The following EVL variants were observed in gnomAD, a reference collection of about 807,000 sequenced individuals.
EVL encodes the protein Enah/Vasp-like.
Under a neutral mutation model 59.6 loss-of-function variants are expected in EVL, and 21 were observed. The ratio of observed to expected loss-of-function variants is 0.35; its 90% confidence interval spans 0.25 to 0.51. The LOEUF (loss-of-function observed/expected upper bound fraction) is 0.51. Ranked by LOEUF, EVL falls within the 20% of genes least tolerant of loss-of-function variation. The probability of loss-of-function intolerance (pLI) is 0.97; values close to 1 mark genes in which losing one functional copy is unlikely to be tolerated. For missense variants in EVL, 462 were observed against 546.6 expected, an observed-to-expected ratio of 0.85 and a Z score of 1.54; for synonymous variants, 198 against 203.5, an observed-to-expected ratio of 0.97 and a Z score of 0.23.
At chr14:100,062,939 T>C (rs1187115364), upstream of EVL, among the ~76,000 whole-genome samples, 1 of 152,036 alleles carries the variant, frequency 6.6e-6, no homozygotes, top group African/African-American at 2.4e-5. Flanking sequence ...TTTAAAAAAC[T>C]GTTTTCAAAT....
At position 100,108,425 on chromosome 14, in the gene EVL, C is replaced by A. The variant is rs1304148355; in HGVS notation, c.358+10767C>A. ...CTTGTGCCACCTGAGAGAAAGCAGG[C>A]CCAGCATGGCCCTGCCTGAGGGGAA... is the stretch of plus-strand genomic sequence containing the variant. On this transcript the variant is annotated intron_variant, in intron 3 of 13. Transcript: ENST00000392920. This position sits in a 1 kb window ranked among gnomAD's most constrained non-coding sequence, Gnocchi z 4.1. Among the ~76,000 whole-genome samples, 2 of 152,194 alleles carry A rather than the reference C, an allele frequency of 1.3e-5. No individual in the cohort carries two copies. Among genetic ancestry groups the A allele is most frequent in the African/African-American group, 2.4e-5 (1 of 41,446 alleles).
In EVL at chr14:100,087,089, G is replaced by A. The variant is rs1022733521; in HGVS notation, c.180+2234G>A. Reference sequence around the variant, plus strand: ...AATAGGGATATCTTACATGTTTAATGCTCTTTATGGTTAATGGAGCACTTT... The same window carrying A: ...AATAGGGATATCTTACATGTTTAATACTCTTTATGGTTAATGGAGCACTTT... On this transcript the variant is annotated intron_variant, in intron 2 of 13. Coordinates refer to ENST00000392920, the MANE Select transcript of EVL (RefSeq NM_016337.3). Among the ~76,000 whole-genome samples, 5 of 152,144 alleles carry A rather than the reference G, an allele frequency of 3.3e-5. No individual in the cohort carries two copies. The East Asian group carries it at 7.7e-4, about 23-fold the overall frequency.
intron 1 of EVL, among the ~76,000 whole-genome samples, chr14:100,018,549 TCAGC>T (rs1241386395): frequency 6.6e-6 from 1 of 152,132 alleles, no homozygotes; most frequent in Non-Finnish European, 1.5e-5. Context: ...TCTCTAAAAC[TCAGC>T]CAGAGCAATT....
chr14:99,984,812 C>G (rs766172299), intron 1 of EVL, among the ~76,000 whole-genome samples: 2 of 152,076 alleles, frequency 1.3e-5, no homozygotes, highest in Non-Finnish European at 2.9e-5. Context: ...GACTGAGTTG[C>G]ACCATGTTGG....
chr14:100,135,924 C>T lies in EVL; in HGVS notation c.920C>T (p.Pro307Leu), dbSNP rs764448520. The T allele has an allele frequency of 9.9e-6, 16 of 1,613,986 alleles. No homozygotes were observed. Among genetic ancestry groups the T allele is most frequent in the South Asian group, 3.3e-5 (3 of 91,080 alleles). Reference protein sequence around the residue: ...ESQMEDPSTSPSPGTRAASQP... With the variant: ...ESQMEDPSTSLSPGTRAASQP... ...TTTTAGGAAGATCCTAGTACCTCCC[C>T]CTCTCCGGGGACCCGAGCAGCCAGC... Residue 307 changes from proline (P) to leucine (L), a missense_variant, in exon 9 of 14, where the codon CCC becomes CTC. Pro to Leu is a moderately conservative substitution (Grantham distance 98). Coordinates refer to ENST00000392920, the MANE Select transcript of EVL (RefSeq NM_016337.3).
In EVL at chr14:100,109,391, G is replaced by T. The variant is rs935790170; in HGVS notation, c.358+11733G>T. The T allele has an allele frequency of 2.8e-6, 1 of 360,446 alleles. No homozygotes were observed. Among genetic ancestry groups the T allele is most frequent in the Non-Finnish European group, 5.5e-6 (1 of 181,748 alleles). The allele number at this position is 360,446 out of a possible 1,614,324, so 22.3% of individuals were successfully genotyped here. On this transcript the variant is annotated intron_variant, in intron 3 of 13. Transcript: ENST00000392920. The surrounding 1 kb of genome is among the most constrained non-coding windows in gnomAD (Gnocchi z 4.3). ...CCTCAGGCACCCCTTCCCAGTCCTC[G>T]CACACTGTTGGTGTCCCATTTGTTT...
chr14:100,009,646 A>G (rs1220489191), intron 1 of EVL, among the ~76,000 whole-genome samples: 10 of 152,230 alleles, frequency 6.6e-5, no homozygotes, highest in African/African-American at 2.2e-4. Flanking sequence ...ATTGTTGTTG[A>G]TGAAGAGTCA....
At chr14:100,116,499 CT>C (rs1566709916) in intron 3 of EVL, among the ~76,000 whole-genome samples, 1 of 152,234 alleles carries the variant, frequency 6.6e-6, no homozygotes, top group Non-Finnish European at 1.5e-5. Flanking sequence ...GGGGGCTGGT[CT>C]CCCAGAGCCT....
At chr14:99,983,998 C>G (rs1443614585) in intron 1 of EVL, among the ~76,000 whole-genome samples, 2 of 152,160 alleles carry the variant, frequency 1.3e-5, no homozygotes, top group African/African-American at 4.8e-5. Context: ...CCCAGAACCC[C>G]AAGCACTGGT....
At chr14:100,043,829 G>C (rs1407119559) in intron 1 of EVL, among the ~76,000 whole-genome samples, 1 of 151,890 alleles carries the variant, frequency 6.6e-6, no homozygotes, top group East Asian at 1.9e-4. Flanking sequence ...GCCCATACTG[G>C]TCTAGAACTC....
At chr14:100,125,468 T>TG (rs1020170299) in intron 4 of EVL, among the ~76,000 whole-genome samples, 4 of 152,280 alleles carry the variant, frequency 2.6e-5, no homozygotes, top group African/African-American at 9.6e-5. Flanking sequence ...TGGCTCCTGC[T>TG]GGGGAGGTTT....
intron 9 of EVL, 63 bp from the exon 10 acceptor site, chr14:100,137,515 G>C (rs1259481624): frequency 1.3e-6 from 2 of 1,553,672 alleles, no homozygotes; most frequent in Non-Finnish European, 1.8e-6. Flanking sequence ...GTGTTTAGGG[G>C]ATTGGGGTGG....
chr14:100,136,108 A>C, intron 9 of EVL, 140 bp downstream of exon 9: 1 of 833,268 alleles, frequency 1.2e-6, no homozygotes, highest in Non-Finnish European at 1.9e-6. Flanking sequence ...CCCATTTCTT[A>C]TGGGTCCCCC....
At chr14:100,022,823 G>A (rs558777742) in intron 1 of EVL, among the ~76,000 whole-genome samples, 20 of 152,256 alleles carry the variant, frequency 1.3e-4, no homozygotes, top group South Asian at 4.1e-4. Context: ...TCCTGAGGTC[G>A]GTGCCATGGT....
At chr14:100,065,554 G>GGA (rs751826950) in intron 1 of EVL, 43 bp downstream of exon 1, 2 of 1,262,694 alleles carry the variant, frequency 1.6e-6, no homozygotes, top group Non-Finnish European at 2.2e-6. Context: ...GATGTCAAGA[G>GGA]GAAACCTAGA....
chr14:100,135,199 C>T (rs1888700232), intron 8 of EVL: 1 of 152,210 alleles, frequency 6.6e-6, no homozygotes, highest in South Asian at 2.1e-4. Context: ...CACAGATACG[C>T]AGGGCGTTCC....
chr14:100,137,151 A>AT (rs1888847254), intron 9 of EVL: 1 of 207,504 alleles, frequency 4.8e-6, no homozygotes, highest in African/African-American at 2.3e-5. Flanking sequence ...GCCAGCCAGA[A>AT]TGGGACAGAG....
intron 1 of EVL, among the ~76,000 whole-genome samples, chr14:100,002,979 A>G (rs1478449235): frequency 6.6e-6 from 1 of 152,228 alleles, no homozygotes. Flanking sequence ...TATAACCTTT[A>G]TAGCCTTTAT....
intron 7 of EVL, 114 bp from the exon 8 acceptor site, chr14:100,132,605 C>T: frequency 8.2e-7 from 1 of 1,215,552 alleles, no homozygotes; most frequent in Non-Finnish European, 1.2e-6. Context: ...ATCGTTTTCC[C>T]ACACAGGTTT....
Sources: gnomAD v4.1 joint callset for allele counts (sites outside exome capture counted in the v4.1 genomes callset) on GRCh38, gnomAD v4.1.1 for gene constraint, Gnocchi (gnomAD v3.1) non-coding constraint, MANE v1.5 for transcripts, NCBI Gene and HGNC (gene_info 2026-07-23, HGNC 2026-07-21) for gene names.